Variants in NTRK3 observed in about 807,000 individuals in gnomAD.
NTRK3 encodes NT-3 growth factor receptor.
In NTRK3, 24 loss-of-function variants were observed where a neutral mutation model predicts 91.7. That is an observed-to-expected ratio of 0.26 (90% confidence interval 0.19 to 0.37). NTRK3 has a LOEUF of 0.37. Ranked by LOEUF, NTRK3 falls within the 10% of genes least tolerant of loss-of-function variation. NTRK3 has a pLI of 1.00. For synonymous variants in NTRK3, 483 were observed against 404.0 expected, an observed-to-expected ratio of 1.20 and a Z score of -2.34; for missense variants, 880 against 1,068.9, an observed-to-expected ratio of 0.82 and a Z score of 2.46.
chr15:88,245,353 A>G (rs537521410), intron 3 of NTRK3, among the ~76,000 whole-genome samples: 3 of 152,126 alleles, frequency 2.0e-5, no homozygotes, highest in African/African-American at 4.8e-5. Flanking sequence ...AGCTAACCAG[A>G]TTTTTCAGAT....
chr15:87,952,019 C>G (rs1045429907), intron 14 of NTRK3, among the ~76,000 whole-genome samples: 1 of 151,974 alleles, frequency 6.6e-6, no homozygotes, highest in African/African-American at 2.4e-5. Context: ...CCTAGCTACT[C>G]GGGAAGCTGA....
intron 14 of NTRK3, among the ~76,000 whole-genome samples, chr15:87,980,459 G>T (rs1438850538): frequency 1.3e-5 from 2 of 152,168 alleles, no homozygotes; most frequent in East Asian, 1.9e-4. Flanking sequence ...ACACCTGTGT[G>T]TTTTCATGTG....
chr15:88,127,412 C>T (rs1245934332), intron 11 of NTRK3, among the ~76,000 whole-genome samples, 186 bp from the exon 12 acceptor site: 1 of 152,078 alleles, frequency 6.6e-6, no homozygotes, highest in East Asian at 1.9e-4. Flanking sequence ...AGACCAGGTT[C>T]CTATCTGACC....
At chr15:87,898,418 G>C (rs2066256020) in intron 17 of NTRK3, among the ~76,000 whole-genome samples, 1 of 152,154 alleles carries the variant, frequency 6.6e-6, no homozygotes, top group African/African-American at 2.4e-5. Flanking sequence ...CTTGGATTCA[G>C]GCTGTTTACA....
At chr15:88,102,271 T>C (rs926156566) in intron 13 of NTRK3, among the ~76,000 whole-genome samples, 10 of 152,202 alleles carry the variant, frequency 6.6e-5, no homozygotes, top group African/African-American at 2.4e-4. Context: ...TTCTAATTCT[T>C]CATGAATTGC....
At chr15:88,135,000 T>C in intron 10 of NTRK3, 101 bp downstream of exon 10, 1 of 1,366,260 alleles carries the variant, frequency 7.3e-7, no homozygotes, top group Non-Finnish European at 1.0e-6. Flanking sequence ...ATGATAACAG[T>C]ATGAGTACTG....
In NTRK3 at chr15:88,243,567, C is replaced by T. The variant is rs1863491; in HGVS notation, c.248+12339G>A. Among the ~76,000 whole-genome samples the T allele has an allele frequency of 0.81, 121,622 of 150,498 alleles. 50,090 individuals are homozygous for T. Among genetic ancestry groups the T allele is most frequent in the East Asian group, 0.97 (4,969 of 5,106 alleles). ...ACACACACACACACACACACACACA[C>T]ACACACACACTGAGCAAAAGGTATT... On this transcript the variant is annotated intron_variant, in intron 3 of 18. Coordinates refer to ENST00000394480, the Ensembl canonical transcript of NTRK3. This position sits in a 1 kb window ranked among gnomAD's most constrained non-coding sequence, Gnocchi z 4.8.
At chr15:88,034,068 T>C (rs2078851340) in intron 13 of NTRK3, among the ~76,000 whole-genome samples, 1 of 152,072 alleles carries the variant, frequency 6.6e-6, no homozygotes, top group African/African-American at 2.4e-5. Context: ...ACCTAGAGCC[T>C]CTCCAGCTGG....
chr15:88,082,616 CTCTTA>C (rs1469648236), intron 13 of NTRK3, among the ~76,000 whole-genome samples: 18 of 152,210 alleles, frequency 1.2e-4, no homozygotes, highest in Non-Finnish European at 2.4e-4. Flanking sequence ...TGCATGTTCT[CTCTTA>C]TGTCTGGCTT....
chr15:88,033,159 T>TA (rs1366120348), intron 13 of NTRK3, 114 bp from the exon 14 acceptor site: 7 of 585,916 alleles, frequency 1.2e-5, no homozygotes, highest in Middle Eastern at 5.0e-4. Context: ...TTCTTTTTTT[T>TA]ACTTTTGGGG....
chr15:87,860,538 C>T (rs1471161322), exon 19 of NTRK3: 3 of 200,848 alleles, frequency 1.5e-5, no homozygotes, highest in East Asian at 7.6e-5. Flanking sequence ...AGACAATAAA[C>T]CTCTTCTCCA....
At chr15:88,029,914 C>T (rs1009027209) in intron 14 of NTRK3, among the ~76,000 whole-genome samples, 8 of 152,200 alleles carry the variant, frequency 5.3e-5, no homozygotes, top group Admixed American at 2.0e-4. Context: ...GGTCCCCTTT[C>T]ACCCTGTCTG....
chr15:87,958,919 A>G (rs1355713754), intron 14 of NTRK3, among the ~76,000 whole-genome samples: 1 of 152,048 alleles, frequency 6.6e-6, no homozygotes, highest in Admixed American at 6.6e-5. Flanking sequence ...TAACAGCCCA[A>G]TGCACTCTAT....
At chr15:88,174,945 C>A (rs1368088808) in intron 5 of NTRK3, among the ~76,000 whole-genome samples, 1 of 152,212 alleles carries the variant, frequency 6.6e-6, no homozygotes. Context: ...CACCACTCAC[C>A]ATTTACTTCC....
At chr15:87,974,265 A>G (rs1330897589) in intron 14 of NTRK3, among the ~76,000 whole-genome samples, 1 of 152,146 alleles carries the variant, frequency 6.6e-6, no homozygotes, top group Non-Finnish European at 1.5e-5. Context: ...GAAGAGACAG[A>G]GGTGGCTAGA....
chr15:87,866,078 T>C (rs2064667913), exon 19 of NTRK3: 1 of 229,470 alleles, frequency 4.4e-6, no homozygotes, highest in Admixed American at 5.7e-5. Context: ...TATGATCTCA[T>C]TTAGGGCTCA....
chr15:87,995,730 G>A (rs1281946817), intron 14 of NTRK3, among the ~76,000 whole-genome samples: 1 of 152,162 alleles, frequency 6.6e-6, no homozygotes, highest in Non-Finnish European at 1.5e-5. Context: ...TCTCTGTCAA[G>A]AGACAGACAG....
intron 13 of NTRK3, among the ~76,000 whole-genome samples, chr15:88,092,495 G>A (rs975130690): frequency 2.6e-5 from 4 of 152,230 alleles, no homozygotes; most frequent in Non-Finnish European, 5.9e-5. Context: ...TACCCATGGT[G>A]TTGACTCTCT....
chr15:88,253,314 G>C (rs758041919), intron 3 of NTRK3: 3 of 152,232 alleles, frequency 2.0e-5, no homozygotes, highest in African/African-American at 7.2e-5. Context: ...CCCCAGCTGC[G>C]GGTGCTTCTC....
Sources: allele counts gnomAD v4.1 joint callset (sites outside exome capture counted in the v4.1 genomes callset), GRCh38; gene constraint gnomAD v4.1.1; non-coding constraint Gnocchi (gnomAD v3.1); transcripts MANE v1.5; gene names NCBI Gene and HGNC (gene_info 2026-07-23, HGNC 2026-07-21).